The following RGS7 variants were observed in gnomAD, a reference collection of about 807,000 sequenced individuals.
The protein encoded by RGS7 is regulator of G protein signaling 7.
RGS7 carries 27 observed loss-of-function variants against 81.1 expected under a neutral mutation model. The ratio of observed to expected loss-of-function variants is 0.33; its 90% confidence interval spans 0.25 to 0.46. The LOEUF is 0.46. RGS7 is among the 20% of genes least tolerant of loss of function. The pLI, the probability that RGS7 is intolerant of heterozygous loss-of-function variation, is 1.00. For missense variants in RGS7, 396 were observed against 607.4 expected, an observed-to-expected ratio of 0.65 and a Z score of 3.66; for synonymous variants, 208 against 207.7, an observed-to-expected ratio of 1.00 and a Z score of -0.01.
chr1:240,873,186 G>A (rs1473623292), intron 6 of RGS7, among the ~76,000 whole-genome samples: 4 of 152,094 alleles, frequency 2.6e-5, no homozygotes, highest in Non-Finnish European at 5.9e-5. Context: ...TATGGTGCTA[G>A]GTATAGACCT....
chr1:241,158,854 T>G (rs546407594), intron 2 of RGS7, among the ~76,000 whole-genome samples: 1 of 152,194 alleles, frequency 6.6e-6, no homozygotes, highest in South Asian at 2.1e-4. Context: ...AAAGCCACAT[T>G]GAAGTTCAAT....
intron 2 of RGS7, among the ~76,000 whole-genome samples, chr1:241,213,841 T>G (rs1416698691): frequency 6.6e-6 from 1 of 152,224 alleles, no homozygotes; most frequent in Non-Finnish European, 1.5e-5. Flanking sequence ...CACTGCTCAC[T>G]GCAGCTTTGA....
At chr1:240,999,936 T>C (rs931952952) in intron 3 of RGS7, among the ~76,000 whole-genome samples, 3 of 151,474 alleles carry the variant, frequency 2.0e-5, no homozygotes, top group African/African-American at 7.4e-5. Context: ...AAGCTGGACA[T>C]CTTTGTATTT....
chr1:240,792,314 T>C (rs187389417), intron 18 of RGS7, among the ~76,000 whole-genome samples: 48 of 152,340 alleles, frequency 3.2e-4, no homozygotes, highest in Admixed American at 3.1e-3. Flanking sequence ...GTTTTTGTTA[T>C]CATCTAATGT....
chr1:240,845,441 T>G (rs544984670), intron 9 of RGS7, among the ~76,000 whole-genome samples: 278 of 152,324 alleles, frequency 1.8e-3, no homozygotes, highest in African/African-American at 6.4e-3. Flanking sequence ...CCGGTCCTGG[T>G]GCGATATAAT....
intron 6 of RGS7, among the ~76,000 whole-genome samples, chr1:240,904,069 C>T (rs529844499): frequency 1.3e-5 from 2 of 152,186 alleles, no homozygotes; most frequent in Non-Finnish European, 2.9e-5. Context: ...ACAACGGTGG[C>T]ATCTGTTACT....
intron 3 of RGS7, among the ~76,000 whole-genome samples, chr1:241,039,537 A>T (rs1298848282): frequency 2.0e-5 from 3 of 151,570 alleles, no homozygotes; most frequent in Non-Finnish European, 2.9e-5. Context: ...TTTAGAAGAG[A>T]TTGGTCAGTT....
In RGS7 at chr1:240,811,468, C is replaced by G. The variant is rs1168731909; in HGVS notation, c.1082+450G>C. On this transcript the variant is annotated intron_variant, in intron 14 of 18. Coordinates refer to ENST00000440928, the MANE Select transcript of RGS7 (RefSeq NM_001364886.1). ...AAACATGCAAAGAGAATGAGACAGC[C>G]CAATAGTTTGGTTTCAAGTTATTTG... Among the ~76,000 whole-genome samples, 3 of 152,136 alleles carry G rather than the reference C, an allele frequency of 2.0e-5. No homozygotes were observed. The East Asian group carries it at 5.8e-4, about 29-fold the overall frequency.
intron 3 of RGS7, among the ~76,000 whole-genome samples, chr1:241,070,766 GA>G (rs2062391072): frequency 8.9e-6 from 1 of 112,742 alleles, no homozygotes; most frequent in Non-Finnish European, 1.8e-5. Flanking sequence ...CAGCCCAACA[GA>G]AGGCCACGTT....
chr1:241,134,578 T>C (rs1243079878), intron 2 of RGS7, among the ~76,000 whole-genome samples: 1 of 152,202 alleles, frequency 6.6e-6, no homozygotes, highest in Non-Finnish European at 1.5e-5. Context: ...GGATATTAGA[T>C]GACTATCCCC....
At chr1:241,249,579 A>G (rs1469402530) in intron 2 of RGS7, among the ~76,000 whole-genome samples, 3 of 152,188 alleles carry the variant, frequency 2.0e-5, no homozygotes, top group Non-Finnish European at 4.4e-5. Flanking sequence ...TAAATTTTAT[A>G]ATCAATTTGT....
At chr1:240,883,198 G>A (rs1572578833) in intron 6 of RGS7, among the ~76,000 whole-genome samples, 1 of 150,786 alleles carries the variant, frequency 6.6e-6, no homozygotes, top group Non-Finnish European at 1.5e-5. Flanking sequence ...GGGGATGGGG[G>A]AGGGATAGCA....
At chr1:240,794,224 A>C (rs1970532) in intron 18 of RGS7, among the ~76,000 whole-genome samples, 103,967 of 151,702 alleles carry the variant, frequency 0.69, 35,892 homozygotes, top group African/African-American at 0.72. Flanking sequence ...ATCTAGAAAA[A>C]GAACTTTCTG....
At chr1:241,169,400 G>A (rs1036408150) in intron 2 of RGS7, among the ~76,000 whole-genome samples, 4 of 134,808 alleles carry the variant, frequency 3.0e-5, no homozygotes, top group African/African-American at 1.1e-4. Context: ...CTGGAGTGCA[G>A]TGGCGCGATC....
At chr1:240,831,745 C>T (rs752859372) in intron 9 of RGS7, among the ~76,000 whole-genome samples, 30 of 151,690 alleles carry the variant, frequency 2.0e-4, no homozygotes, top group Non-Finnish European at 3.5e-4. Context: ...AAGTGATTCT[C>T]CTGTCTCAGC....
rs2073550867 is a variant in RGS7, at chr1:241,202,016, ACAC to A, written c.79-103257_79-103255del. On this transcript the variant is annotated intron_variant, in intron 2 of 18. Coordinates refer to ENST00000440928, the MANE Select transcript of RGS7 (RefSeq NM_001364886.1). Reference sequence around the variant, plus strand: ...CAAACACACAGACACACACAGACACACACACACACACACACACACACACACACA... The same window carrying A: ...CAAACACACAGACACACACAGACACAACACACACACACACACACACACACA... Among the ~76,000 whole-genome samples the A allele has an allele frequency of 2.4e-3, 208 of 85,480 alleles. 2 individuals are homozygous for A. The highest frequency in any genetic ancestry group is 6.1e-3 in the African/African-American group (189 of 31,140). 56.1% of individuals were successfully genotyped at this position (85,480 alleles called of 152,430 possible). A position where few individuals can be genotyped will look rare whatever the true frequency, so the allele number is the denominator to read the frequency against.
At chr1:241,222,347 G>T (rs12136646) in intron 2 of RGS7, among the ~76,000 whole-genome samples, 1 of 152,046 alleles carries the variant, frequency 6.6e-6, no homozygotes, top group Admixed American at 6.6e-5. Flanking sequence ...CCGAAATTAC[G>T]ATTTCTTTGG....
intron 3 of RGS7, among the ~76,000 whole-genome samples, chr1:241,037,743 A>G (rs890644844): frequency 2.6e-5 from 4 of 151,008 alleles, no homozygotes; most frequent in African/African-American, 9.7e-5. Flanking sequence ...AAAAGTGGAT[A>G]CAGAAAATGT....
chr1:241,226,799 A>T (rs1258938739), intron 2 of RGS7, among the ~76,000 whole-genome samples: 1 of 152,164 alleles, frequency 6.6e-6, no homozygotes, highest in Non-Finnish European at 1.5e-5. Flanking sequence ...TATTTCCCAA[A>T]TTCTTTATGT....
Sources: allele counts gnomAD v4.1 joint callset (sites outside exome capture counted in the v4.1 genomes callset), GRCh38; gene constraint gnomAD v4.1.1; transcripts MANE v1.5; gene names NCBI Gene and HGNC (gene_info 2026-07-23, HGNC 2026-07-21).